The following PTAFR variants were observed in gnomAD, a reference collection of about 807,000 sequenced individuals.
The protein encoded by PTAFR is platelet activating factor receptor.
A neutral mutation model predicts 14.7 loss-of-function variants in PTAFR; 8 were observed. The ratio of observed to expected loss-of-function variants is 0.54; its 90% CI spans 0.32 to 0.98. PTAFR has a LOEUF of 0.98. PTAFR is among the 50% of genes least tolerant of loss of function. The pLI is 0.04. For missense variants in PTAFR, 337 were observed against 451.2 expected, an observed-to-expected ratio of 0.75 and a Z score of 2.29; for synonymous variants, 156 against 176.5, an observed-to-expected ratio of 0.88 and a Z score of 0.92.
intron 1 of PTAFR, among the ~76,000 whole-genome samples, chr1:28,157,629 G>T (rs114437041): frequency 0.13 from 19,232 of 145,644 alleles, 1,422 homozygotes; most frequent in East Asian, 0.24. Flanking sequence ...CATTAATTTT[G>T]ATTTTTTTTT....
chr1:28,180,316 G>A (rs1261073444), upstream of PTAFR, among the ~76,000 whole-genome samples: 1 of 152,146 alleles, frequency 6.6e-6, no homozygotes, highest in Non-Finnish European at 1.5e-5. Context: ...GGAGGCAGAG[G>A]TTGCAGTGAG....
At chr1:28,175,744 C>G (rs1227562208) in intron 1 of PTAFR, among the ~76,000 whole-genome samples, 1 of 152,096 alleles carries the variant, frequency 6.6e-6, no homozygotes, top group Non-Finnish European at 1.5e-5. Context: ...GCAAACCTAG[C>G]ATTTAGTGAG....
chr1:28,175,401 T>C (rs1646501967), intron 1 of PTAFR, among the ~76,000 whole-genome samples: 1 of 151,794 alleles, frequency 6.6e-6, no homozygotes, highest in Non-Finnish European at 1.5e-5. Context: ...GATAGTGGTG[T>C]CTCTTTTGCT....
chr1:28,185,439 G>C (rs894195237), intron 1 of PTAFR, among the ~76,000 whole-genome samples: 5 of 152,180 alleles, frequency 3.3e-5, no homozygotes, highest in African/African-American at 1.2e-4. Context: ...TGCCAAGAGT[G>C]TTGTGGACAT....
chr1:28,193,166 G>A (rs1326509082), intron 1 of PTAFR, among the ~76,000 whole-genome samples: 1 of 151,870 alleles, frequency 6.6e-6, no homozygotes. Flanking sequence ...TGGTTGCATT[G>A]CTGTGTGTCT....
At chr1:28,167,593 G>A (rs549193922) in intron 1 of PTAFR, among the ~76,000 whole-genome samples, 22 of 146,344 alleles carry the variant, frequency 1.5e-4, no homozygotes, top group East Asian at 8.0e-4. Context: ...CAACAGTTCC[G>A]CTCTGGGTAT....
chr1:28,163,139 C>G (rs973790040), intron 1 of PTAFR, among the ~76,000 whole-genome samples: 2 of 152,140 alleles, frequency 1.3e-5, no homozygotes, highest in Non-Finnish European at 2.9e-5. Flanking sequence ...ATTGCTTTAC[C>G]TAGAAAAATC....
intron 1 of PTAFR, among the ~76,000 whole-genome samples, chr1:28,174,056 C>T (rs937802833): frequency 3.9e-5 from 6 of 152,116 alleles, no homozygotes; most frequent in African/African-American, 1.4e-4. Context: ...CCCTGTCCAC[C>T]CCACATAACC....
chr1:28,177,854 T>G (rs1329310088), upstream of PTAFR, among the ~76,000 whole-genome samples: 3 of 151,734 alleles, frequency 2.0e-5, no homozygotes, highest in Non-Finnish European at 4.4e-5. Flanking sequence ...AGTGTAGGTG[T>G]GAGGGTATGT....
At chr1:28,160,290 AT>A (rs1456166819) in intron 1 of PTAFR, among the ~76,000 whole-genome samples, 2 of 151,718 alleles carry the variant, frequency 1.3e-5, no homozygotes, top group African/African-American at 4.8e-5. Flanking sequence ...TATTAAAAAA[AT>A]GTTTATTTAT....
At chr1:28,185,399 C>A (rs1646598078) in intron 1 of PTAFR, among the ~76,000 whole-genome samples, 1 of 152,182 alleles carries the variant, frequency 6.6e-6, no homozygotes, top group South Asian at 2.1e-4. Flanking sequence ...AGGGGTTGTT[C>A]AGTTCTTTCT....
chr1:28,152,775 A>T (rs1646209636), intron 1 of PTAFR, among the ~76,000 whole-genome samples: 1 of 152,010 alleles, frequency 6.6e-6, no homozygotes, highest in Admixed American at 6.6e-5. Flanking sequence ...ATAATAATAA[A>T]AACAAAACAA....
chr1:28,157,478 T>C (rs974604411), intron 1 of PTAFR, among the ~76,000 whole-genome samples: 4 of 151,964 alleles, frequency 2.6e-5, no homozygotes, highest in African/African-American at 9.7e-5. Flanking sequence ...ATAAATAATA[T>C]TTTAATGCAA....
chr1:28,180,223 A>G (rs182313061), upstream of PTAFR, among the ~76,000 whole-genome samples: 13 of 152,260 alleles, frequency 8.5e-5, no homozygotes, highest in African/African-American at 2.9e-4. Flanking sequence ...AGATTAAAAG[A>G]GATTTAAGAG....
chr1:28,160,732 A>G (rs191781402), intron 1 of PTAFR, among the ~76,000 whole-genome samples: 14 of 152,258 alleles, frequency 9.2e-5, no homozygotes, highest in Admixed American at 9.2e-4. Context: ...CCCCAGCAAG[A>G]GTAGGCCTCC....
intron 1 of PTAFR, among the ~76,000 whole-genome samples, chr1:28,184,082 GTTT>G (rs1165813776): frequency 0.3 from 24,776 of 81,432 alleles, 2,579 homozygotes; most frequent in Middle Eastern, 0.38. Context: ...CCATTAGTCT[GTTT>G]TTTTTTTTTT....
intron 1 of PTAFR, among the ~76,000 whole-genome samples, chr1:28,162,364 C>T (rs1037680285): frequency 1.3e-5 from 2 of 152,068 alleles, no homozygotes; most frequent in Admixed American, 1.3e-4. Flanking sequence ...ACCCAGCAAC[C>T]GACAGGATTG....
chr1:28,178,102 C>G (rs960202084), upstream of PTAFR, among the ~76,000 whole-genome samples: 8 of 152,060 alleles, frequency 5.3e-5, no homozygotes, highest in African/African-American at 1.9e-4. Flanking sequence ...CCCGACAGGA[C>G]CAGGGTCCCA....
At chr1:28,187,015 T>G (rs978407329) in intron 1 of PTAFR, among the ~76,000 whole-genome samples, 14 of 152,130 alleles carry the variant, frequency 9.2e-5, no homozygotes, top group African/African-American at 3.4e-4. Flanking sequence ...GGTCTTGAAC[T>G]CCTGAGTTCA....
Sources: allele counts gnomAD v4.1 joint callset (sites outside exome capture counted in the v4.1 genomes callset), GRCh38; gene constraint gnomAD v4.1.1; transcripts MANE v1.5; gene names NCBI Gene and HGNC (gene_info 2026-07-23, HGNC 2026-07-21).